Variants in DDHD2 observed in about 807,000 individuals in gnomAD.
DDHD2 encodes DDHD domain containing 2.
Under a neutral mutation model 91.2 loss-of-function variants are expected in DDHD2, and 62 were observed. That is an observed-to-expected ratio of 0.68 (90% CI 0.55 to 0.84). The LOEUF is 0.84. Ranked by LOEUF, DDHD2 falls within the 40% of genes least tolerant of loss-of-function variation. The pLI is 0.00. For missense variants in DDHD2, 740 were observed against 846.9 expected, an observed-to-expected ratio of 0.87 and a Z score of 1.57; for synonymous variants, 271 against 293.9, an observed-to-expected ratio of 0.92 and a Z score of 0.80.
downstream of DDHD2, chr8:38,264,923 C>A: frequency 1.2e-6 from 2 of 1,612,702 alleles, no homozygotes; most frequent in Non-Finnish European, 1.7e-6. Flanking sequence ...TGCTATTCAT[C>A]TGCCCATTTT....
downstream of DDHD2, chr8:38,266,376 T>C: frequency 7.3e-7 from 1 of 1,361,570 alleles, no homozygotes; most frequent in Non-Finnish European, 1.0e-6. Context: ...CATCCCCACA[T>C]AGGAGGCTAG....
chr8:38,266,455 C>T, downstream of DDHD2: 1 of 757,204 alleles, frequency 1.3e-6, no homozygotes, highest in South Asian at 1.9e-5. Flanking sequence ...GGCTGGAGTG[C>T]AGTGGCACCA....
At chr8:38,255,233 G>T in intron 16 of DDHD2, 1 of 282,920 alleles carries the variant, frequency 3.5e-6, no homozygotes. Context: ...AAGGTCCTAA[G>T]AATAATTTTT....
rs546059119 is a variant in DDHD2 at position 38,262,421 on chromosome 8, G to C, written c.*1848G>C. 6.6e-6 allele frequency: 1 copy of C among 152,212 alleles called. No homozygotes were observed. Among genetic ancestry groups the C allele is most frequent in the East Asian group, 1.9e-4 (1 of 5,178 alleles). The allele number at this position is 152,212 out of a possible 1,614,324, so 9.4% of individuals were successfully genotyped here. A position where few individuals can be genotyped will look rare whatever the true frequency, so the allele number is the denominator to read the frequency against. ...AATGTTTCTTTCCTAGTGGTGAGGG[G>C]TGGGTAACTGTGAAAGAGCTTTATA... On this transcript the variant is annotated 3_prime_UTR_variant, in exon 18 of 18. Transcript: ENST00000397166.
Position 38,233,015 on chromosome 8 carries a change from A to G in DDHD2, c.21A>G (p.Gln7=), listed in dbSNP as rs182341575. The G allele has an allele frequency of 1.1e-4, 173 of 1,614,178 alleles. 2 individuals are homozygous for G. The East Asian group carries it at 2.6e-3, about 25-fold the overall frequency. Residue 7 remains glutamine, a synonymous_variant, in exon 2 of 18, where the codon CAA becomes CAG. Transcript: ENST00000397166. ...GCGAAATGTCATCAGTGCAGTCACAACAGGAGCAGTTGTCCCAGTCAGATC... is the reference window on the plus strand; with the variant it reads ...GCGAAATGTCATCAGTGCAGTCACAGCAGGAGCAGTTGTCCCAGTCAGATC... The part of the protein sequence containing the change: MSSVQS[Q]QEQLSQSDPS...
intron 1 of DDHD2, chr8:38,268,572 T>C: frequency 6.8e-7 from 1 of 1,473,774 alleles, no homozygotes; most frequent in South Asian, 1.3e-5. Context: ...ACATAAGGTC[T>C]CTGAGTGCGC....
chr8:38,252,390 T>C (rs768188182), intron 13 of DDHD2, 103 bp downstream of exon 13: 7 of 1,304,294 alleles, frequency 5.4e-6, no homozygotes, highest in Non-Finnish European at 7.4e-6. Context: ...TATTCCATTG[T>C]CTAGCAATGA....
At chr8:38,259,898 A>G in intron 16 of DDHD2, 142 bp from the exon 17 acceptor site, 1 of 609,880 alleles carries the variant, frequency 1.6e-6, no homozygotes, top group Admixed American at 2.8e-5. Context: ...ACTGCCAATT[A>G]CATTACTTCT....
At chr8:38,263,829 C>A, downstream of DDHD2, 2 of 985,002 alleles carry the variant, frequency 2.0e-6, no homozygotes, top group Non-Finnish European at 2.4e-6. Flanking sequence ...GTGACAAGAT[C>A]CTTCTAAGAA....
In DDHD2 at chr8:38,242,478, G is replaced by A. The variant is rs931322668; in HGVS notation, c.848+93G>A. The A allele has an allele frequency of 8.2e-6, 11 of 1,335,644 alleles. No homozygotes were observed. The African/African-American group carries it at 1.7e-4, about 20-fold the overall frequency. The allele number at this position is 1,335,644 out of a possible 1,614,324, so 82.7% of individuals were successfully genotyped here. On this transcript the variant is annotated intron_variant, in intron 7 of 17. Transcript: ENST00000397166. ...GGACGTTTTTATGCTATAGCTGACT[G>A]AATATTTAAAATTTCTTAGAGATAT...
Position 38,238,175 on chromosome 8 carries a change from A to G in DDHD2, c.588A>G (p.Arg196=), listed in dbSNP as rs1437984201. Residue 196 remains arginine (R), a synonymous_variant, in exon 5 of 18, where the codon AGA becomes AGG. Transcript: ENST00000397166. Reference sequence around the variant, plus strand: ...AGGGTCGACCAAGAACTGTGAAGAGAGGAGTTGAGAACATCTCTGTTGACA... The same window carrying G: ...AGGGTCGACCAAGAACTGTGAAGAGGGGAGTTGAGAACATCTCTGTTGACA... The part of the protein sequence containing the change: ...TEQGRPRTVK[R]GVENISVDIH... 1.9e-6 allele frequency: 3 copies of G among 1,614,052 alleles called. No homozygotes were observed. The East Asian group carries it at 6.7e-5, about 36-fold the overall frequency.
At position 38,245,638 on chromosome 8, in the gene DDHD2, C is replaced by T. The variant is rs575107494; in HGVS notation, c.849-104C>T. 66 of 1,053,260 alleles carry T rather than the reference C, an allele frequency of 6.3e-5. No homozygotes were observed. The African/African-American group carries it at 9.1e-4, about 14-fold the overall frequency. The allele number at this position is 1,053,260 out of a possible 1,614,324, so 65.2% of individuals were successfully genotyped here. On this transcript the variant is annotated intron_variant, in intron 7 of 17. Coordinates refer to ENST00000397166, the MANE Select transcript of DDHD2 (RefSeq NM_015214.3). Reference sequence around the variant, plus strand: ...CCTCTTTTTGTTTTTTCCTATAAATCGACAATTGTTTGTTATAAAATGTTT... The same window carrying T: ...CCTCTTTTTGTTTTTTCCTATAAATTGACAATTGTTTGTTATAAAATGTTT...
At chr8:38,264,643 G>C (rs80081744), downstream of DDHD2, 28,254 of 1,543,610 alleles carry the variant, frequency 0.018, 292 homozygotes, top group Non-Finnish European at 0.022. Flanking sequence ...TTAATATTAG[G>C]CTCCTAAATC....
chr8:38,257,522 T>G (rs750322886), intron 16 of DDHD2, among the ~76,000 whole-genome samples: 5 of 151,832 alleles, frequency 3.3e-5, no homozygotes, highest in Non-Finnish European at 5.9e-5. Context: ...GTGCTGGGAT[T>G]ACAGGCATGA....
At chr8:38,254,887 G>GA (rs1301475644) in intron 16 of DDHD2, among the ~76,000 whole-genome samples, 1 of 149,622 alleles carries the variant, frequency 6.7e-6, no homozygotes, top group Admixed American at 6.7e-5. Context: ...GACCATGTCT[G>GA]AAAAAAAATA....
intron 3 of DDHD2, among the ~76,000 whole-genome samples, chr8:38,236,535 G>A (rs1032465538): frequency 7.4e-5 from 11 of 149,594 alleles, no homozygotes; most frequent in African/African-American, 2.7e-4. Context: ...TTTTTTTTGA[G>A]ACGGAGTTCC....
At chr8:38,249,974 T>C (rs1805983328) in intron 11 of DDHD2, 171 bp downstream of exon 11, 1 of 375,604 alleles carries the variant, frequency 2.7e-6, no homozygotes, top group Non-Finnish European at 5.0e-6. Context: ...TGGAGTGCAG[T>C]GGTGTGATCC....
intron 3 of DDHD2, 89 bp downstream of exon 3, chr8:38,234,673 C>G: frequency 8.5e-7 from 1 of 1,175,936 alleles, no homozygotes. Context: ...GTGAAATTTC[C>G]AGAAAGACTT....
chr8:38,235,035 G>T (rs1804603830), intron 3 of DDHD2, among the ~76,000 whole-genome samples: 1 of 152,098 alleles, frequency 6.6e-6, no homozygotes, highest in South Asian at 2.1e-4. Context: ...TGGTTTGACG[G>T]TTTGTAAAGT....
Sources: gnomAD v4.1 joint callset for allele counts (sites outside exome capture counted in the v4.1 genomes callset) on GRCh38, gnomAD v4.1.1 for gene constraint, MANE v1.5 for transcripts, NCBI Gene and HGNC (gene_info 2026-07-23, HGNC 2026-07-21) for gene names.